Variants in LRRC4C observed in about 807,000 individuals in gnomAD.
LRRC4C encodes the protein leucine-rich repeat-containing protein 4C.
LRRC4C carries 5 observed loss-of-function variants against 33.6 expected under a neutral mutation model. The observed-to-expected ratio is 0.15, with a 90% CI of 0.08 to 0.31. LRRC4C has a LOEUF of 0.31. Ranked by LOEUF, LRRC4C falls within the 10% of genes least tolerant of loss-of-function variation. LRRC4C has a pLI of 1.00. For missense variants in LRRC4C, 560 were observed against 796.7 expected, an observed-to-expected ratio of 0.70 and a Z score of 3.58; for synonymous variants, 329 against 302.0, an observed-to-expected ratio of 1.09 and a Z score of -0.93.
chr11:40,459,626 C>T (rs766127845), intron 3 of LRRC4C, among the ~76,000 whole-genome samples: 1 of 152,154 alleles, frequency 6.6e-6, no homozygotes, highest in African/African-American at 2.4e-5. Context: ...AGAAAAGCTG[C>T]CTCTCTCCAT....
chr11:40,640,400 T>G (rs1466346730), intron 3 of LRRC4C, among the ~76,000 whole-genome samples: 1 of 152,112 alleles, frequency 6.6e-6, no homozygotes, highest in Non-Finnish European at 1.5e-5. Context: ...TCTCATGAAC[T>G]ATTGCCTTTA....
chr11:40,914,863 A>T (rs975119465), intron 2 of LRRC4C, among the ~76,000 whole-genome samples: 2 of 152,204 alleles, frequency 1.3e-5, no homozygotes. Context: ...TCAGGATACA[A>T]AATCAATGTA....
intron 3 of LRRC4C, among the ~76,000 whole-genome samples, chr11:40,501,501 AC>A (rs1954770067): frequency 6.6e-6 from 1 of 152,108 alleles, no homozygotes; most frequent in Non-Finnish European, 1.5e-5. Context: ...AGGTCCCCAA[AC>A]CTCAATTCAT....
intron 3 of LRRC4C, among the ~76,000 whole-genome samples, chr11:40,570,858 T>C (rs1957955330): frequency 2.0e-5 from 3 of 152,116 alleles, no homozygotes; most frequent in African/African-American, 7.2e-5. Flanking sequence ...TAATCAAATA[T>C]TTGATTTATT....
chr11:41,149,559 C>A (rs948510497), intron 1 of LRRC4C, among the ~76,000 whole-genome samples: 1 of 149,728 alleles, frequency 6.7e-6, no homozygotes, highest in Admixed American at 6.6e-5. Context: ...AGTGATATTG[C>A]TTCAGTATAG....
At chr11:41,246,551 G>A (rs1948460252) in intron 1 of LRRC4C, among the ~76,000 whole-genome samples, 1 of 152,180 alleles carries the variant, frequency 6.6e-6, no homozygotes, top group South Asian at 2.1e-4. Flanking sequence ...AGCGGGCGGG[G>A]CTTCCACCTG....
intron 2 of LRRC4C, among the ~76,000 whole-genome samples, chr11:40,731,042 G>A (rs887718923): frequency 6.6e-6 from 1 of 152,130 alleles, no homozygotes; most frequent in African/African-American, 2.4e-5. Flanking sequence ...GTGGCCGTCC[G>A]GGCGTGGTGG....
At chr11:40,786,469 T>C (rs952518619) in intron 2 of LRRC4C, among the ~76,000 whole-genome samples, 1 of 152,158 alleles carries the variant, frequency 6.6e-6, no homozygotes, top group Non-Finnish European at 1.5e-5. Context: ...ATGCTTGAAG[T>C]CCCTGAACCT....
intron 2 of LRRC4C, among the ~76,000 whole-genome samples, chr11:40,827,237 A>G (rs1451351998): frequency 6.6e-6 from 1 of 151,866 alleles, no homozygotes; most frequent in Non-Finnish European, 1.5e-5. Context: ...TTAGTTGTAT[A>G]AATGCATCTT....
In LRRC4C at chr11:41,115,712, G is replaced by T. The variant is rs549794705; in HGVS notation, c.-495-181989C>A. On this transcript the variant is annotated intron_variant, in intron 1 of 6. Coordinates refer to ENST00000528697, the MANE Select transcript of LRRC4C (RefSeq NM_001258419.2). ...CCCAATAGCTGAGATCCACTTTGAC[G>T]CTCATTTCTAAGTTCTCTAAAGGTA... Among the ~76,000 whole-genome samples, 99 of 151,984 alleles carry T rather than the reference G, an allele frequency of 6.5e-4. 2 individuals carry two copies. In the South Asian group the frequency reaches 0.02, roughly 31 times the overall value.
chr11:41,079,768 T>C (rs1939425433), intron 1 of LRRC4C, among the ~76,000 whole-genome samples: 1 of 152,316 alleles, frequency 6.6e-6, no homozygotes, highest in South Asian at 2.1e-4. Flanking sequence ...TAAAACTTTA[T>C]GAGGATTTTT....
chr11:40,455,658 T>C (rs2138130238), intron 3 of LRRC4C, among the ~76,000 whole-genome samples: 1 of 152,324 alleles, frequency 6.6e-6, no homozygotes, highest in Non-Finnish European at 1.5e-5. Flanking sequence ...CACCTTTCCC[T>C]GGGCACATTC....
chr11:41,298,856 C>T (rs1486685462), intron 1 of LRRC4C, among the ~76,000 whole-genome samples: 5 of 151,106 alleles, frequency 3.3e-5, no homozygotes, highest in Non-Finnish European at 5.9e-5. Context: ...CATTTGTGTA[C>T]GTTATTCAGC....
intron 1 of LRRC4C, among the ~76,000 whole-genome samples, chr11:41,029,732 T>C (rs1422813698): frequency 6.6e-6 from 1 of 151,808 alleles, no homozygotes; most frequent in Non-Finnish European, 1.5e-5. Context: ...TCTCTGCATG[T>C]AAGAGATTTA....
At chr11:40,882,222 AAAC>A (rs1471663261) in intron 2 of LRRC4C, among the ~76,000 whole-genome samples, 4 of 152,224 alleles carry the variant, frequency 2.6e-5, no homozygotes, top group Non-Finnish European at 4.4e-5. Context: ...GATCATCTGG[AAAC>A]AACAATTTGC....
At chr11:40,889,969 C>T (rs1168764336) in intron 2 of LRRC4C, among the ~76,000 whole-genome samples, 2 of 152,108 alleles carry the variant, frequency 1.3e-5, no homozygotes, top group South Asian at 2.1e-4. Context: ...CTACATGTCT[C>T]CTCAATTTAT....
intron 2 of LRRC4C, among the ~76,000 whole-genome samples, chr11:40,664,696 T>C (rs946337376): frequency 6.6e-6 from 1 of 152,060 alleles, no homozygotes; most frequent in East Asian, 1.9e-4. Flanking sequence ...CAAATTCCCC[T>C]AGACCTTCAA....
intron 5 of LRRC4C, among the ~76,000 whole-genome samples, chr11:40,168,812 C>T (rs1173135660): frequency 6.6e-6 from 1 of 152,170 alleles, no homozygotes; most frequent in East Asian, 1.9e-4. Flanking sequence ...CTTTCATTTT[C>T]TGTTAATCAT....
intron 2 of LRRC4C, among the ~76,000 whole-genome samples, chr11:40,821,539 C>A (rs1207181304): frequency 1.3e-5 from 2 of 151,350 alleles, no homozygotes; most frequent in African/African-American, 4.8e-5. Flanking sequence ...TATTTTTTAA[C>A]AATTTCAAAT....
Sources: gnomAD v4.1 joint callset for allele counts (sites outside exome capture counted in the v4.1 genomes callset) on GRCh38, gnomAD v4.1.1 for gene constraint, MANE v1.5 for transcripts, NCBI Gene and HGNC (gene_info 2026-07-23, HGNC 2026-07-21) for gene names.